KIRREL3: variants seen among roughly 807,000 people sequenced by gnomAD.
KIRREL3 encodes kirre like nephrin family adhesion molecule 3.
KIRREL3 carries 36 observed loss-of-function variants against 89.7 expected under a neutral mutation model. The observed-to-expected ratio is 0.40, with a 90% CI of 0.31 to 0.53. The LOEUF (loss-of-function observed/expected upper bound fraction) is 0.53. Among genes scored for constraint, KIRREL3 ranks in the 20% least tolerant of loss-of-function variants. The pLI, the probability that KIRREL3 is intolerant of heterozygous loss-of-function variation, is 0.49. For missense variants in KIRREL3, 864 were observed against 1,056.6 expected, an observed-to-expected ratio of 0.82 and a Z score of 2.53; for synonymous variants, 445 against 441.4, an observed-to-expected ratio of 1.01 and a Z score of -0.10.
chr11:126,435,563 G>A (rs1219498324), intron 12 of KIRREL3, among the ~76,000 whole-genome samples: 1 of 152,066 alleles, frequency 6.6e-6, no homozygotes, highest in Non-Finnish European at 1.5e-5. Flanking sequence ...AACACTCGGG[G>A]GAGGGCATGG....
chr11:126,705,280 C>T lies in KIRREL3; in HGVS notation c.56-142368G>A, dbSNP rs1294057564. 6.6e-6 allele frequency among the ~76,000 whole-genome samples: 1 copy of T among 151,948 alleles called. No individual in the cohort carries two copies. The highest frequency in any genetic ancestry group is 1.5e-5 in the Non-Finnish European group (1 of 68,008). ...TCAAATCTCATGTTGAAATGTGATC[C>T]CCAGTATTGAAGGTGGGGCCTGGTG... On this transcript the variant is annotated intron_variant, in intron 1 of 16. Coordinates refer to ENST00000525144, the MANE Select transcript of KIRREL3 (RefSeq NM_032531.4). The surrounding 1 kb of genome is among the most constrained non-coding windows in gnomAD (Gnocchi z 4.3).
intron 4 of KIRREL3, among the ~76,000 whole-genome samples, chr11:126,478,163 C>G (rs1565486447): frequency 6.6e-6 from 1 of 151,958 alleles, no homozygotes; most frequent in Non-Finnish European, 1.5e-5. Context: ...CGGGCTTGCC[C>G]TGCTCCTCTC....
At chr11:126,438,009 AAC>A (rs918652534) in intron 11 of KIRREL3, among the ~76,000 whole-genome samples, 11 of 152,120 alleles carry the variant, frequency 7.2e-5, no homozygotes, top group Non-Finnish European at 1.5e-4. Flanking sequence ...ACAATCCACA[AAC>A]ACATGTACAC....
chr11:126,472,703 G>GGAGAGAGAGAGAGA (rs56276959), intron 5 of KIRREL3, among the ~76,000 whole-genome samples: 7,416 of 133,970 alleles, frequency 0.055, 372 homozygotes, highest in East Asian at 0.21. Context: ...AGGACATAGA[G>GGAGAGAGAGAGAGA]GAGAGAGAGA....
At chr11:126,886,819 A>G (rs1167846021) in intron 1 of KIRREL3, among the ~76,000 whole-genome samples, 2 of 152,136 alleles carry the variant, frequency 1.3e-5, no homozygotes, top group East Asian at 3.9e-4. Context: ...TAACAGCTGG[A>G]GGGAGGCCTC....
At chr11:126,548,224 C>T (rs898070058) in intron 2 of KIRREL3, among the ~76,000 whole-genome samples, 1 of 152,182 alleles carries the variant, frequency 6.6e-6, no homozygotes, top group African/African-American at 2.4e-5. Flanking sequence ...CCCCAATGGA[C>T]CTGAAGTTCT....
intron 1 of KIRREL3, among the ~76,000 whole-genome samples, chr11:126,986,651 G>T (rs1389328371): frequency 2.0e-5 from 3 of 152,204 alleles, no homozygotes. Flanking sequence ...CTTTCCAGTT[G>T]TGAGAGGAAG....
intron 1 of KIRREL3, among the ~76,000 whole-genome samples, chr11:126,779,147 G>A (rs1950252473): frequency 6.6e-6 from 1 of 152,176 alleles, no homozygotes; most frequent in African/African-American, 2.4e-5. Context: ...GGAGCATGTT[G>A]CTCCCTTGCT....
At chr11:126,853,250 A>G (rs1309685304) in intron 1 of KIRREL3, among the ~76,000 whole-genome samples, 1 of 152,246 alleles carries the variant, frequency 6.6e-6, no homozygotes, top group Admixed American at 6.5e-5. Flanking sequence ...TGATCTTTTC[A>G]AATGTAAATT....
chr11:126,806,144 A>G lies in KIRREL3; in HGVS notation c.55+194311T>C, dbSNP rs1230908648. ...GAGAGGCTGGGGACTGAATAAGATG[A>G]AAGGCCAGCTCAGATCTTCAGGGAA... On this transcript the variant is annotated intron_variant, in intron 1 of 16. Coordinates refer to ENST00000525144, the MANE Select transcript of KIRREL3 (RefSeq NM_032531.4). Among the ~76,000 whole-genome samples the G allele has an allele frequency of 2.6e-5, 4 of 152,210 alleles. No individual in the cohort carries two copies. In the East Asian group the frequency reaches 5.8e-4, roughly 22 times the overall value.
rs1432017011 is a variant in KIRREL3, at chr11:126,498,065, G to C, written c.433+23250C>G. On this transcript the variant is annotated intron_variant, in intron 4 of 16. Coordinates refer to ENST00000525144, the MANE Select transcript of KIRREL3 (RefSeq NM_032531.4). This position sits in a 1 kb window ranked among gnomAD's most constrained non-coding sequence, Gnocchi z 4.3. ...GGACAAGGAAGCAGAGGCTCAGAGA[G>C]GGTAAATGACTTGCCCCAAATCACA... Among the ~76,000 whole-genome samples the C allele has an allele frequency of 1.3e-5, 2 of 152,190 alleles. No individual in the cohort carries two copies. The highest frequency in any genetic ancestry group is 3.9e-4 in the East Asian group (2 of 5,194).
Position 127,000,495 on chromosome 11 carries a change from C to G in KIRREL3, c.15G>C (p.Gln5His), listed in dbSNP as rs772624095. ...AGAAGCAGACGAAGAGCAGATCGAG[C>G]TGGAAGGGTTTCATTCCTTAGCGCA... MKPF[Q>H]LDLLFVCFFL... The change falls in exon 1 of 17, where the codon CAG becomes CAC. Residue 5 changes from glutamine (Q) to histidine (H), a missense_variant. By Grantham distance (24) the Gln-to-His change is conservative (BLOSUM62 0). Transcript: ENST00000525144. The surrounding 1 kb of genome is among the most constrained non-coding windows in gnomAD (Gnocchi z 7.1). 2.5e-6 allele frequency: 4 copies of G among 1,607,768 alleles called. No individual in the cohort carries two copies. The highest frequency in any genetic ancestry group is 2.2e-5 in the South Asian group (2 of 89,458).
In KIRREL3 at chr11:126,669,864, C is replaced by T. The variant is rs963680787; in HGVS notation, c.56-106952G>A. ...CTTTTTTTGGAGGTCTAATAATTAC[C>T]GAAAACTGTAACATGTACAAAACAG... On this transcript the variant is annotated intron_variant, in intron 1 of 16. Transcript: ENST00000525144. This position sits in a 1 kb window ranked among gnomAD's most constrained non-coding sequence, Gnocchi z 5.0. Among the ~76,000 whole-genome samples the T allele has an allele frequency of 3.9e-5, 6 of 152,066 alleles. No homozygotes were observed. The highest frequency in any genetic ancestry group is 1.2e-4 in the African/African-American group (5 of 41,412).
rs1362587695 is a variant in KIRREL3, at chr11:126,837,513, C to T, written c.55+162942G>A. 3.9e-5 allele frequency among the ~76,000 whole-genome samples: 6 copies of T among 152,126 alleles called. No homozygotes were observed. The highest frequency in any genetic ancestry group is 2.1e-4 in the South Asian group (1 of 4,804). ...ACTTCCACAATAATTACGAGGGAAT[C>T]GGATCTTGTCTAGGACACAGGTCCA... is the stretch of plus-strand genomic sequence containing the variant. On this transcript the variant is annotated intron_variant, in intron 1 of 16. Coordinates refer to ENST00000525144, the MANE Select transcript of KIRREL3 (RefSeq NM_032531.4). The surrounding 1 kb of genome is among the most constrained non-coding windows in gnomAD (Gnocchi z 4.7).
rs7928765 is a variant in KIRREL3, at chr11:126,912,889, G to T, written c.55+87566C>A. Among the ~76,000 whole-genome samples, 10,979 of 152,278 alleles carry T rather than the reference G, an allele frequency of 0.072. 487 individuals are homozygous for T. The highest frequency in any genetic ancestry group is 0.12 in the Middle Eastern group (35 of 294). Reference sequence around the variant, plus strand: ...TCATAATTACCAATGACGCTTTATCGTGATGACAGAGGAGGGCATGCAGAG... The same window carrying T: ...TCATAATTACCAATGACGCTTTATCTTGATGACAGAGGAGGGCATGCAGAG... On this transcript the variant is annotated intron_variant, in intron 1 of 16. Transcript: ENST00000525144. The surrounding 1 kb of genome is among the most constrained non-coding windows in gnomAD (Gnocchi z 4.7).
chr11:126,948,876 C>T lies in KIRREL3; in HGVS notation c.55+51579G>A, dbSNP rs538232744. 6.6e-6 allele frequency among the ~76,000 whole-genome samples: 1 copy of T among 152,316 alleles called. No homozygotes were observed. The highest frequency in any genetic ancestry group is 2.1e-4 in the South Asian group (1 of 4,828). ...AGTGTCCACATAATCCCCAACCCTA[C>T]AGCCTCCAAAACATAATCCCATATA... On this transcript the variant is annotated intron_variant, in intron 1 of 16. Coordinates refer to ENST00000525144, the MANE Select transcript of KIRREL3 (RefSeq NM_032531.4). This position sits in a 1 kb window ranked among gnomAD's most constrained non-coding sequence, Gnocchi z 4.5.
At position 126,436,798 on chromosome 11, in the gene KIRREL3, T is replaced by G; in HGVS notation, c.1552+13A>C. The G allele has an allele frequency of 6.2e-7, 1 of 1,613,234 alleles. No individual in the cohort carries two copies. The highest frequency in any genetic ancestry group is 8.5e-7 in the Non-Finnish European group (1 of 1,179,778). On this transcript the variant is annotated intron_variant, in intron 12 of 16. Coordinates refer to ENST00000525144, the MANE Select transcript of KIRREL3 (RefSeq NM_032531.4). ...ATCGTTCGTTGTTCCCTCATGGCCC[T>G]GGCAGCTCTCACCTTGCTCCTTGAG...
At position 126,805,002 on chromosome 11, in the gene KIRREL3, T is replaced by G. The variant is rs1208550144; in HGVS notation, c.55+195453A>C. ...TTGTGGGAAAGGGTTATGAGGAGATTAAGATTCAGAAAAGTTGGCTTATCA... is the reference window on the plus strand; with the variant it reads ...TTGTGGGAAAGGGTTATGAGGAGATGAAGATTCAGAAAAGTTGGCTTATCA... On this transcript the variant is annotated intron_variant, in intron 1 of 16. Transcript: ENST00000525144. This position sits in a 1 kb window ranked among gnomAD's most constrained non-coding sequence, Gnocchi z 4.3. Among the ~76,000 whole-genome samples, 3 of 152,130 alleles carry G rather than the reference T, an allele frequency of 2.0e-5. No homozygotes were observed. The highest frequency in any genetic ancestry group is 1.3e-4 in the Admixed American group (2 of 15,278).
intron 1 of KIRREL3, among the ~76,000 whole-genome samples, chr11:126,644,503 G>C (rs1415048628): frequency 6.6e-6 from 1 of 152,182 alleles, no homozygotes; most frequent in East Asian, 1.9e-4. Flanking sequence ...AAGACTGCTG[G>C]GACCTGAGGA....
Sources: allele counts gnomAD v4.1 joint callset (sites outside exome capture counted in the v4.1 genomes callset), GRCh38; gene constraint gnomAD v4.1.1; non-coding constraint Gnocchi (gnomAD v3.1); transcripts MANE v1.5; gene names NCBI Gene and HGNC (gene_info 2026-07-23, HGNC 2026-07-21).